The following GRIN2A variants were observed in gnomAD, a reference collection of about 807,000 sequenced individuals.
GRIN2A encodes the protein glutamate receptor ionotropic, NMDA 2A.
A neutral mutation model predicts 113.4 loss-of-function variants in GRIN2A; 22 were observed. The observed-to-expected ratio is 0.19, with a 90% CI of 0.14 to 0.28. GRIN2A has a LOEUF of 0.28. Among genes scored for constraint, GRIN2A ranks in the 10% least tolerant of loss-of-function variants. The pLI, the probability that GRIN2A is intolerant of heterozygous loss-of-function variation, is 1.00. For synonymous variants in GRIN2A, 827 were observed against 738.4 expected, an observed-to-expected ratio of 1.12 and a Z score of -1.94; for missense variants, 1,502 against 1,887.0, an observed-to-expected ratio of 0.80 and a Z score of 3.78.
chr16:9,934,854 G>A (rs992926252), intron 3 of GRIN2A, among the ~76,000 whole-genome samples: 13 of 151,996 alleles, frequency 8.6e-5, no homozygotes, highest in Non-Finnish European at 1.8e-4. Flanking sequence ...GAGACTGCTT[G>A]TGCCTTATCC....
At chr16:10,129,902 A>T (rs2049026442) in intron 2 of GRIN2A, among the ~76,000 whole-genome samples, 1 of 152,212 alleles carries the variant, frequency 6.6e-6, no homozygotes, top group Admixed American at 6.5e-5. Flanking sequence ...CTGAATGCAG[A>T]TTTCATAAGG....
chr16:9,968,199 G>C (rs2045594644), intron 2 of GRIN2A, among the ~76,000 whole-genome samples: 1 of 151,932 alleles, frequency 6.6e-6, no homozygotes, highest in Non-Finnish European at 1.5e-5. Flanking sequence ...ATCTCTCTAG[G>C]CTTTGTATTG....
At position 9,764,937 on chromosome 16, in the gene GRIN2A, G is replaced by T. The variant is rs1402208981; in HGVS notation, c.2607C>A (p.Ser869Arg). The change falls in exon 13 of 13, where the codon AGC (serine) becomes AGA (arginine). Residue 869 changes from serine to arginine, a missense_variant. Physicochemically the swap from Ser to Arg is moderately radical, Grantham distance 110. Coordinates refer to ENST00000330684, the MANE Select transcript of GRIN2A (RefSeq NM_001134407.3). ...LLFSISRGIYSCIHGVHIEEK... is the reference protein window; with the variant it reads ...LLFSISRGIYRCIHGVHIEEK... ...CTTCAATGTGCACTCCATGAATGCA[G>T]CTGTAGATGCCCTGTAGGGGAGCAA... is the stretch of plus-strand genomic sequence containing the variant. 6.2e-7 allele frequency: 1 copy of T among 1,613,940 alleles called. No individual in the cohort carries two copies. The highest frequency in any genetic ancestry group is 1.3e-5 in the African/African-American group (1 of 74,942).
intron 5 of GRIN2A, among the ~76,000 whole-genome samples, chr16:9,843,177 T>C (rs938169112): frequency 6.6e-6 from 1 of 151,666 alleles, no homozygotes; most frequent in African/African-American, 2.4e-5. Context: ...GAAAAACATG[T>C]TTTCTTTTTT....
At position 10,044,022 on chromosome 16, in the gene GRIN2A, T is replaced by TATATATATATATAG. The variant is rs531659457; in HGVS notation, c.415-105472_415-105471insCTATATATATATAT. On this transcript the variant is annotated intron_variant, in intron 2 of 12. Transcript: ENST00000330684. Reference sequence around the variant, plus strand: ...GTGTGTGTGTGTATATATATATATATAGAGAGAGAGAGAGAGAGAGAGAGA... The same window carrying TATATATATATATAG: ...GTGTGTGTGTGTATATATATATATATATATATATATATAGAGAGAGAGAGAGAGAGAGAGAGAGA... 1.1e-3 allele frequency among the ~76,000 whole-genome samples: 115 copies of TATATATATATATAG among 107,956 alleles called. 1 individual carries two copies. Among genetic ancestry groups the TATATATATATATAG allele is most frequent in the African/African-American group, 3.9e-3 (100 of 25,580 alleles). The allele number at this position is 107,956 out of a possible 152,430, so 70.8% of individuals were successfully genotyped here. A position where few individuals can be genotyped will look rare whatever the true frequency, so the allele number is the denominator to read the frequency against.
chr16:9,945,382 C>T (rs1248538769), intron 2 of GRIN2A, among the ~76,000 whole-genome samples: 5 of 151,800 alleles, frequency 3.3e-5, no homozygotes, highest in South Asian at 2.1e-4. Flanking sequence ...CCAAGGTAAG[C>T]GAGGGTTCGT....
chr16:9,785,555 G>A (rs993282088), intron 11 of GRIN2A, among the ~76,000 whole-genome samples: 7 of 151,530 alleles, frequency 4.6e-5, no homozygotes, highest in Admixed American at 2.6e-4. Flanking sequence ...AAACCTGCAC[G>A]TTGTGCACGT....
rs1555482636 is a variant in GRIN2A at position 9,764,357 on chromosome 16, C to T, written c.3187G>A (p.Glu1063Lys). 2 of 1,614,122 alleles carry T rather than the reference C, an allele frequency of 1.2e-6. No homozygotes were observed. The highest frequency in any genetic ancestry group is 2.2e-5 in the East Asian group (1 of 44,870). The change falls in exon 13 of 13, where the codon GAA becomes AAA. Residue 1063 changes from glutamate (E) to lysine (K), a missense_variant. Glu to Lys is a moderately conservative substitution (Grantham distance 56). Transcript: ENST00000330684. ...TGGCACGTGGCCCGATTTGACGTTT[C>T]TGAAATGTCAGAGTGGGCCATCTCT... is the stretch of plus-strand genomic sequence containing the variant. ...PEEMAHSDIS[E>K]TSNRATCHRE...
chr16:10,093,793 TG>T (rs2048231835), intron 2 of GRIN2A, among the ~76,000 whole-genome samples: 1 of 152,186 alleles, frequency 6.6e-6, no homozygotes, highest in Non-Finnish European at 1.5e-5. Context: ...TGACTTAGTT[TG>T]GCCAATTACG....
intron 2 of GRIN2A, among the ~76,000 whole-genome samples, chr16:10,148,205 T>G (rs2049485434): frequency 6.6e-6 from 1 of 152,204 alleles, no homozygotes; most frequent in Admixed American, 6.5e-5. Flanking sequence ...AGTTTCATTA[T>G]AACCCAGCCA....
intron 9 of GRIN2A, among the ~76,000 whole-genome samples, chr16:9,823,872 ATAAAGATT>A (rs1441811385): frequency 6.6e-6 from 1 of 152,148 alleles, no homozygotes; most frequent in Non-Finnish European, 1.5e-5. Context: ...TCATCTAGAC[ATAAAGATT>A]TAAAGACCCC....
chr16:10,030,829 C>T (rs905327146), intron 2 of GRIN2A, among the ~76,000 whole-genome samples: 13 of 152,196 alleles, frequency 8.5e-5, no homozygotes, highest in Non-Finnish European at 1.8e-4. Context: ...TTTAAGGCTT[C>T]AGAGATACAG....
rs1431588326 is a variant in GRIN2A, at chr16:9,757,986, C to T, written c.*5163G>A. ...GAAAGAAACCTAGAAATAAGTCAGC[C>T]CGGTCAGAGAATCGAGCCAGAAATT... On this transcript the variant is annotated 3_prime_UTR_variant, in exon 13 of 13. Transcript: ENST00000330684. 4.6e-6 allele frequency: 1 copy of T among 218,916 alleles called. No homozygotes were observed. Among genetic ancestry groups the T allele is most frequent in the Non-Finnish European group, 9.2e-6 (1 of 109,034 alleles). 13.6% of individuals were successfully genotyped at this position (218,916 alleles called of 1,614,324 possible).
At chr16:10,040,919 C>T (rs1202430730) in intron 2 of GRIN2A, among the ~76,000 whole-genome samples, 1 of 152,238 alleles carries the variant, frequency 6.6e-6, no homozygotes, top group Admixed American at 6.5e-5. Context: ...GGAACACTCC[C>T]CTCTGCCGCA....
intron 2 of GRIN2A, among the ~76,000 whole-genome samples, chr16:10,033,455 A>T (rs2046966882): frequency 6.6e-6 from 1 of 152,218 alleles, no homozygotes; most frequent in Non-Finnish European, 1.5e-5. Flanking sequence ...AGCTACGATG[A>T]AAATAAACAG....
chr16:9,982,146 G>T lies in GRIN2A; in HGVS notation c.415-43595C>A, dbSNP rs1052424221. Among the ~76,000 whole-genome samples, 3 of 152,146 alleles carry T rather than the reference G, an allele frequency of 2.0e-5. No individual in the cohort carries two copies. In the South Asian group the frequency reaches 6.2e-4, roughly 32 times the overall value. The stretch of plus-strand genomic sequence containing the variant: ...ATTGCATTTTTGGTTTTAAAAACTG[G>T]GTCTTTTGTTGCAGTTTCCAATAGT... On this transcript the variant is annotated intron_variant, in intron 2 of 12. Coordinates refer to ENST00000330684, the MANE Select transcript of GRIN2A (RefSeq NM_001134407.3).
At chr16:9,837,932 A>G (rs1233011564) in intron 7 of GRIN2A, among the ~76,000 whole-genome samples, 2 of 152,224 alleles carry the variant, frequency 1.3e-5, no homozygotes, top group Non-Finnish European at 2.9e-5. Context: ...GAGAGTGGCA[A>G]GCATTTTAAC....
chr16:9,959,556 G>T (rs1003875090), intron 2 of GRIN2A, among the ~76,000 whole-genome samples: 9 of 152,310 alleles, frequency 5.9e-5, no homozygotes, highest in Non-Finnish European at 1.0e-4. Flanking sequence ...TCTTCACCTG[G>T]GATGATTTAT....
chr16:9,924,166 A>G (rs1027893928), intron 3 of GRIN2A, among the ~76,000 whole-genome samples: 6 of 150,048 alleles, frequency 4.0e-5, no homozygotes, highest in African/African-American at 1.5e-4. Flanking sequence ...TTAACAATCT[A>G]GTTTTTGTTT....
Sources: gnomAD v4.1 joint callset for allele counts (sites outside exome capture counted in the v4.1 genomes callset) on GRCh38, gnomAD v4.1.1 for gene constraint, MANE v1.5 for transcripts, NCBI Gene and HGNC (gene_info 2026-07-23, HGNC 2026-07-21) for gene names.